Variants in FOXP1 observed in about 807,000 individuals in gnomAD.
FOXP1 encodes forkhead box P1.
Under a neutral mutation model 98.2 loss-of-function variants are expected in FOXP1, and 15 were observed. That is an observed-to-expected ratio of 0.15 (90% CI 0.10 to 0.24). The LOEUF is 0.24. Ranked by LOEUF, FOXP1 falls within the 10% of genes least tolerant of loss-of-function variation. The pLI, the probability that FOXP1 is intolerant of heterozygous loss-of-function variation, is 1.00. For missense variants in FOXP1, 633 were observed against 848.5 expected (o/e 0.75, Z 3.15); for synonymous variants, 371 against 314.5 (o/e 1.18, Z -1.90).
chr3:71,522,125 C>T (rs1022343896), intron 2 of FOXP1, among the ~76,000 whole-genome samples: 2 of 152,140 alleles, frequency 1.3e-5, no homozygotes, highest in Non-Finnish European at 2.9e-5. Context: ...GCAAGTACAC[C>T]CTTGGGCCTG....
chr3:71,260,521 A>T (rs2069031331), intron 5 of FOXP1, among the ~76,000 whole-genome samples: 1 of 149,410 alleles, frequency 6.7e-6, no homozygotes. Flanking sequence ...TATCATATTT[A>T]GAGCAATTTC....
chr3:71,463,997 G>A (rs534635145), intron 3 of FOXP1, among the ~76,000 whole-genome samples: 2 of 152,348 alleles, frequency 1.3e-5, no homozygotes, highest in South Asian at 4.1e-4. Context: ...TAAGAAAACA[G>A]GCTACACATG....
At position 71,425,689 on chromosome 3, in the gene FOXP1, TGG is replaced by T. The variant is rs561942136; in HGVS notation, c.-167-66447_-167-66446del. ...ACTCAACTTTTGTTTATTTTAAAGG[TGG>T]GGGGGCTCTGAGTAAGATTTCATTT... On this transcript the variant is annotated intron_variant, in intron 3 of 20. Coordinates refer to ENST00000649528, the MANE Select transcript of FOXP1 (RefSeq NM_001349338.3). Among the ~76,000 whole-genome samples, 5 of 150,886 alleles carry T rather than the reference TGG, an allele frequency of 3.3e-5. No homozygotes were observed. The South Asian group carries it at 8.4e-4, about 25-fold the overall frequency.
At chr3:71,511,137 G>A (rs2107320657) in intron 2 of FOXP1, among the ~76,000 whole-genome samples, 1 of 152,190 alleles carries the variant, frequency 6.6e-6, no homozygotes, top group Non-Finnish European at 1.5e-5. Flanking sequence ...AAGCCCATAA[G>A]TCCTTTTGTA....
intron 3 of FOXP1, among the ~76,000 whole-genome samples, chr3:71,440,539 A>G (rs915714690): frequency 2.0e-5 from 3 of 152,048 alleles, no homozygotes; most frequent in Non-Finnish European, 4.4e-5. Context: ...TTAGCTGGGC[A>G]TGGTGGCACA....
At chr3:71,122,877 G>A (rs1455585793) in intron 6 of FOXP1, among the ~76,000 whole-genome samples, 1 of 152,068 alleles carries the variant, frequency 6.6e-6, no homozygotes, top group Non-Finnish European at 1.5e-5. Flanking sequence ...AGATGGCCAC[G>A]GGTAATCTTG....
intron 6 of FOXP1, among the ~76,000 whole-genome samples, chr3:71,136,742 G>A (rs2059836013): frequency 6.6e-6 from 1 of 152,046 alleles, no homozygotes; most frequent in South Asian, 2.1e-4. Flanking sequence ...AAACACTGCA[G>A]TGAGATTTTT....
chr3:71,389,417 G>T (rs927366182), intron 3 of FOXP1, among the ~76,000 whole-genome samples: 2 of 152,102 alleles, frequency 1.3e-5, no homozygotes, highest in Non-Finnish European at 2.9e-5. Context: ...GTTTATGACT[G>T]CTTTGCTTTT....
chr3:71,531,514 A>AG (rs903429261), intron 2 of FOXP1, among the ~76,000 whole-genome samples: 3 of 152,224 alleles, frequency 2.0e-5, no homozygotes, highest in South Asian at 2.1e-4. Context: ...ACAAAAAAAA[A>AG]GAAGGAAGGA....
intron 4 of FOXP1, among the ~76,000 whole-genome samples, 164 bp downstream of exon 4, chr3:71,358,986 T>TG (rs1000164636): frequency 2.6e-5 from 4 of 152,144 alleles, no homozygotes; most frequent in Non-Finnish European, 5.9e-5. Context: ...AAAGCTATCA[T>TG]GGGGGGTAGC....
intron 19 of FOXP1, among the ~76,000 whole-genome samples, chr3:70,967,683 A>ATTTGTTTTTCTTT (rs2035140587): frequency 4.6e-5 from 1 of 21,782 alleles, no homozygotes; most frequent in African/African-American, 1.9e-4. Flanking sequence ...AACTACTATT[A>ATTTGTTTTTCTTT]TTTGTTTTTT....
At chr3:71,158,083 AGAAG>A (rs1238796330) in intron 6 of FOXP1, among the ~76,000 whole-genome samples, 2 of 42,112 alleles carry the variant, frequency 4.7e-5, no homozygotes, top group African/African-American at 2.2e-4. Flanking sequence ...GTAAGACGAA[AGAAG>A]GAAGGAAGGA....
intron 3 of FOXP1, among the ~76,000 whole-genome samples, chr3:71,398,922 C>G (rs1202385483): frequency 6.6e-6 from 1 of 152,176 alleles, no homozygotes; most frequent in Non-Finnish European, 1.5e-5. Flanking sequence ...GTGTAAAAAG[C>G]TGGCATAATT....
chr3:71,012,970 T>C (rs1218602170), intron 12 of FOXP1, among the ~76,000 whole-genome samples: 1 of 152,200 alleles, frequency 6.6e-6, no homozygotes, highest in Non-Finnish European at 1.5e-5. Context: ...AATTCATAGG[T>C]TAATGATTCA....
intron 12 of FOXP1, among the ~76,000 whole-genome samples, chr3:71,014,498 G>A (rs1451810484): frequency 1.3e-5 from 2 of 152,202 alleles, no homozygotes; most frequent in Non-Finnish European, 2.9e-5. Context: ...AACAACAGGT[G>A]CTGGAGAGGA....
chr3:71,220,793 A>G (rs1473332780), intron 5 of FOXP1, among the ~76,000 whole-genome samples: 1 of 151,792 alleles, frequency 6.6e-6, no homozygotes, highest in Non-Finnish European at 1.5e-5. Flanking sequence ...AAAATAAAAG[A>G]TTATGAGGAG....
chr3:71,343,433 C>A (rs896286432), intron 4 of FOXP1, among the ~76,000 whole-genome samples: 9 of 152,036 alleles, frequency 5.9e-5, no homozygotes, highest in Non-Finnish European at 1.0e-4. Context: ...CTGGATCTTA[C>A]ACCAATATCT....
intron 14 of FOXP1, among the ~76,000 whole-genome samples, chr3:70,985,688 C>A (rs1266496190): frequency 3.4e-5 from 5 of 146,870 alleles, no homozygotes; most frequent in African/African-American, 1.2e-4. Context: ...CAAATGTGAT[C>A]TTTTTTTTTT....
chr3:71,198,374 T>C lies in FOXP1; in HGVS notation c.8A>G (p.Gln3Arg), dbSNP rs898658081. Residue 3 changes from glutamine to arginine, a missense_variant, in exon 6 of 21, where the codon CAA becomes CGA. Gln to Arg is a conservative substitution (Grantham distance 43). Around this residue, in one of 6 missense-constraint regions of FOXP1, gnomAD observed 103 missense variants for 85.5 expected, o/e 1.20. Transcript: ENST00000649528. MMQESGTETKSNG... is the reference protein window; with the variant it reads MMRESGTETKSNG... ...ACTTTTTGTCTCAGTCCCAGATTCT[T>C]GCATCATGACTCAAAAACCTGATAC... 41 of 1,349,096 alleles carry C rather than the reference T, an allele frequency of 3.0e-5. No individual in the cohort carries two copies. Among genetic ancestry groups the C allele is most frequent in the Non-Finnish European group, 3.8e-5 (39 of 1,020,194 alleles). The allele number at this position is 1,349,096 out of a possible 1,614,324, so 83.6% of individuals were successfully genotyped here.
Sources: gnomAD v4.1 joint callset for allele counts (sites outside exome capture counted in the v4.1 genomes callset) on GRCh38, gnomAD v4.1.1 for gene constraint, gnomAD v4.1.1 regional missense constraint, MANE v1.5 for transcripts, NCBI Gene and HGNC (gene_info 2026-07-23, HGNC 2026-07-21) for gene names.